The following TACC3 variants were observed in gnomAD, a reference collection of about 807,000 sequenced individuals.
TACC3 encodes transforming acidic coiled-coil-containing protein 3.
A neutral mutation model predicts 86.0 loss-of-function variants in TACC3; 52 were observed. That is an observed-to-expected ratio of 0.60 (90% confidence interval 0.48 to 0.76). TACC3 has a LOEUF of 0.76. Ranked by LOEUF, TACC3 falls within the 30% of genes least tolerant of loss-of-function variation. TACC3 has a pLI of 0.00. For synonymous variants in TACC3, 512 were observed against 430.0 expected (o/e 1.19, Z -2.36); for missense variants, 1,120 against 1,070.4 (o/e 1.05, Z -0.65).
At position 1,740,820 on chromosome 4, in the gene TACC3, C is replaced by T. The variant is rs1718559671; in HGVS notation, c.2063-6C>T. 7 of 1,602,908 alleles carry T rather than the reference C, an allele frequency of 4.4e-6. No individual in the cohort carries two copies. The highest frequency in any genetic ancestry group is 5.9e-6 in the Non-Finnish European group (7 of 1,176,940). The stretch of plus-strand genomic sequence containing the variant: ...CATCCTGAACGTTTGCTTTTCTTTT[C>T]TCAAGAGGAAGTTCAGAAGCAGAAG... On this transcript the variant is annotated splice_polypyrimidine_tract_variant and splice_region_variant and intron_variant, in intron 12 of 15. Transcript: ENST00000313288.
intron 4 of TACC3, 110 bp from the exon 5 acceptor site, chr4:1,730,777 G>A (rs1717965756): frequency 1.6e-6 from 2 of 1,246,320 alleles, no homozygotes; most frequent in Admixed American, 1.8e-5. Flanking sequence ...GAATGTTCAC[G>A]TGGCCGGCAC....
intron 13 of TACC3, chr4:1,744,314 G>A: frequency 1.8e-6 from 1 of 569,854 alleles, no homozygotes; most frequent in South Asian, 2.3e-5. Context: ...ATCTCAGGGT[G>A]GAGAGCCAGG....
At chr4:1,736,680 G>A (rs574926898) in intron 8 of TACC3, among the ~76,000 whole-genome samples, 7 of 152,086 alleles carry the variant, frequency 4.6e-5, no homozygotes, top group South Asian at 2.1e-4. Context: ...AGGCTGAGGC[G>A]GGTGGATCGC....
Position 1,728,644 on chromosome 4 carries a change from C to T in TACC3, c.1242C>T (p.Asn414=). ...ACTGGGACAAAATGGATGACCCAAACTTCATCCCGTTCGGAGGTGACACCA... is the reference window on the plus strand; with the variant it reads ...ACTGGGACAAAATGGATGACCCAAATTTCATCCCGTTCGGAGGTGACACCA... The part of the protein sequence containing the change: ...HLDWDKMDDP[N]FIPFGGDTKS... The change falls in exon 4 of 16, where the codon AAC becomes AAT. Residue 414 remains asparagine (N), a synonymous_variant. Transcript: ENST00000313288. 1 of 1,613,936 alleles carries T rather than the reference C, an allele frequency of 6.2e-7. No homozygotes were observed. The highest frequency in any genetic ancestry group is 8.5e-7 in the Non-Finnish European group (1 of 1,180,028).
chr4:1,740,285 C>T, intron 12 of TACC3: 1 of 550,084 alleles, frequency 1.8e-6, no homozygotes, highest in South Asian at 2.2e-5. Context: ...AGAGTCTGTC[C>T]CGCCGTGGCC....
In TACC3 at chr4:1,737,588, T is replaced by C; in HGVS notation, c.1837-10T>C. 1 of 1,496,030 alleles carries C rather than the reference T, an allele frequency of 6.7e-7. No homozygotes were observed. The highest frequency in any genetic ancestry group is 8.9e-7 in the Non-Finnish European group (1 of 1,117,940). 92.7% of individuals were successfully genotyped at this position (1,496,030 alleles called of 1,614,324 possible). ...GAAATGGGTTCCTGTTTCATCCCCATCTCCCGCAGGTGCCAGGCCCACCCC... is the reference window on the plus strand; with the variant it reads ...GAAATGGGTTCCTGTTTCATCCCCACCTCCCGCAGGTGCCAGGCCCACCCC... On this transcript the variant is annotated splice_polypyrimidine_tract_variant and intron_variant, in intron 9 of 15. Coordinates refer to ENST00000313288, the MANE Select transcript of TACC3 (RefSeq NM_006342.3).
At chr4:1,741,329 C>T (rs1198286258) in intron 13 of TACC3, 3 of 179,362 alleles carry the variant, frequency 1.7e-5, no homozygotes, top group East Asian at 1.4e-4. Flanking sequence ...CTGGGCTGTC[C>T]GAGCGCTTGG....
intron 3 of TACC3, among the ~76,000 whole-genome samples, chr4:1,724,535 C>T (rs1213894955): frequency 4.0e-5 from 6 of 150,650 alleles, no homozygotes; most frequent in African/African-American, 7.3e-5. Context: ...GGGCTACAGG[C>T]GCCCGCCGCC....
chr4:1,740,506 C>G (rs951470947), intron 12 of TACC3: 5 of 328,308 alleles, frequency 1.5e-5, no homozygotes, highest in Non-Finnish European at 1.1e-5. Flanking sequence ...CCACGAAGCA[C>G]GACGCACATC....
intron 6 of TACC3, among the ~76,000 whole-genome samples, chr4:1,732,176 A>T (rs1718034672): frequency 1.3e-5 from 2 of 152,182 alleles, no homozygotes; most frequent in South Asian, 2.1e-4. Flanking sequence ...AGTTAAATAA[A>T]TACGGCTTGT....
At chr4:1,730,616 C>A in intron 4 of TACC3, 1 of 606,214 alleles carries the variant, frequency 1.6e-6, no homozygotes, top group Non-Finnish European at 3.1e-6. Context: ...CTTGTGATTC[C>A]CTTTGGCTGC....
rs202065429 is a variant in TACC3, at chr4:1,727,825, C to T, written c.423C>T (p.Ser141=). The T allele has an allele frequency of 6.2e-7, 1 of 1,613,002 alleles. No homozygotes were observed. Among genetic ancestry groups the T allele is most frequent in the East Asian group, 2.2e-5 (1 of 44,882 alleles). ...DASPAFGSGS[S]SESGPGALAD... ...GCCCAGCCTTTGGGAGTGGCAGCTC[C>T]AGCGAGTCTGGCCCAGGTGCCCTGG... Residue 141 remains serine (S), a synonymous_variant, in exon 4 of 16, where the codon TCC becomes TCT. Coordinates refer to ENST00000313288, the MANE Select transcript of TACC3 (RefSeq NM_006342.3).
rs764911452 is a variant in TACC3 at position 1,727,864 on chromosome 4, C to T, written c.462C>T (p.Cys154=). Residue 154 remains cysteine (C), a synonymous_variant, in exon 4 of 16, where the codon TGC becomes TGT. Transcript: ENST00000313288. ...CAGGTGCCCTGGCTGACCTGGACTG[C>T]TCAAGCTCTTCCCAGAGCCCAGGAA... ...SGPGALADLD[C]SSSSQSPGSS... 20 of 1,613,682 alleles carry T rather than the reference C, an allele frequency of 1.2e-5. No homozygotes were observed. The highest frequency in any genetic ancestry group is 1.7e-5 in the Non-Finnish European group (20 of 1,180,026).
intron 6 of TACC3, among the ~76,000 whole-genome samples, chr4:1,731,930 G>A (rs1034723683): frequency 4.6e-5 from 7 of 152,260 alleles, no homozygotes; most frequent in Non-Finnish European, 8.8e-5. Context: ...CCCCGCGCCC[G>A]GCCCAGAACC....
rs755187166 is a variant in TACC3, at chr4:1,723,489, T to C, written c.68T>C (p.Leu23Pro). The C allele has an allele frequency of 1.2e-6, 2 of 1,613,798 alleles. No homozygotes were observed. The highest frequency in any genetic ancestry group is 1.7e-6 in the Non-Finnish European group (2 of 1,180,010). ...NEKNTENCDFLFSPPEVTGRS... is the reference protein window; with the variant it reads ...NEKNTENCDFPFSPPEVTGRS... ...AAAAATACAGAAAATTGCGACTTCC[T>C]GTTTTCGCCACCAGAAGTTACCGGA... Residue 23 changes from leucine (L) to proline (P), a missense_variant, in exon 2 of 16, where the codon CTG becomes CCG. Physicochemically the swap from Leu to Pro is moderately conservative, Grantham distance 98 (BLOSUM62 -3). Coordinates refer to ENST00000313288, the MANE Select transcript of TACC3 (RefSeq NM_006342.3).
intron 13 of TACC3, among the ~76,000 whole-genome samples, chr4:1,743,461 G>A (rs916156121): frequency 6.6e-6 from 1 of 152,094 alleles, no homozygotes; most frequent in African/African-American, 2.4e-5. Flanking sequence ...GCTGAGGCAG[G>A]AGAATCGCTT....
intron 8 of TACC3, among the ~76,000 whole-genome samples, chr4:1,736,875 A>G (rs1718293240): frequency 6.6e-6 from 1 of 151,798 alleles, no homozygotes; most frequent in African/African-American, 2.4e-5. Flanking sequence ...ATGCCACTGC[A>G]CTCCAATCTG....
In TACC3 at chr4:1,735,574, G is replaced by A. The variant is rs953789752; in HGVS notation, c.1645-157G>A. Among the ~76,000 whole-genome samples the A allele has an allele frequency of 6.6e-6, 1 of 152,156 alleles. No individual in the cohort carries two copies. The highest frequency in any genetic ancestry group is 1.5e-5 in the Non-Finnish European group (1 of 68,018). Reference sequence around the variant, plus strand: ...TGAAACTCTGACACGCTGTGCTGCTGGGAATGGTGGTGTCTCGGGCAGGGT... The same window carrying A: ...TGAAACTCTGACACGCTGTGCTGCTAGGAATGGTGGTGTCTCGGGCAGGGT... On this transcript the variant is annotated intron_variant, in intron 7 of 15. Coordinates refer to ENST00000313288, the MANE Select transcript of TACC3 (RefSeq NM_006342.3). The surrounding 1 kb of genome is among the most constrained non-coding windows in gnomAD (Gnocchi z 4.2).
intron 3 of TACC3, among the ~76,000 whole-genome samples, chr4:1,727,220 C>G (rs1717730950): frequency 6.6e-6 from 1 of 152,104 alleles, no homozygotes; most frequent in African/African-American, 2.4e-5. Context: ...GCTTCTTTCT[C>G]TGGCATCAGC....
Sources: allele counts gnomAD v4.1 joint callset (sites outside exome capture counted in the v4.1 genomes callset), GRCh38; gene constraint gnomAD v4.1.1; non-coding constraint Gnocchi (gnomAD v3.1); transcripts MANE v1.5; gene names NCBI Gene and HGNC (gene_info 2026-07-23, HGNC 2026-07-21).